Variants in CHD1L observed in about 807,000 individuals in gnomAD.
The protein encoded by CHD1L is chromodomain helicase DNA binding protein 1 like, also known as ATP-dependent chromatin remodeler CHD1L.
CHD1L carries 118 observed loss-of-function variants against 115.9 expected under a neutral mutation model. The observed-to-expected ratio is 1.02, with a 90% CI of 0.88 to 1.19. The LOEUF (loss-of-function observed/expected upper bound fraction) is 1.19, where lower values mean the gene tolerates loss of function less well. CHD1L is among the 50% of genes most tolerant of loss of function. CHD1L has a pLI of 0.00. For synonymous variants in CHD1L, 411 were observed against 387.1 expected, an observed-to-expected ratio of 1.06 and a Z score of -0.72; for missense variants, 1,179 against 1,065.3, an observed-to-expected ratio of 1.11 and a Z score of -1.49.
the CHD1L span, among the ~76,000 whole-genome samples, chr1:147,228,699 A>T: frequency 6.6e-6 from 1 of 152,104 alleles, no homozygotes; most frequent in Non-Finnish European, 1.5e-5. Context: ...AATGATCCCC[A>T]TTCTAACTGG....
At chr1:147,240,485 G>T (rs1017392764), upstream of CHD1L, among the ~76,000 whole-genome samples, 1 of 152,222 alleles carries the variant, frequency 6.6e-6, no homozygotes, top group Non-Finnish European at 1.5e-5. Context: ...GGAAGGGAAA[G>T]ACCTGACCGT....
Position 147,295,541 on chromosome 1 carries a change from C to G in CHD1L, c.*32C>G. On this transcript the variant is annotated 3_prime_UTR_variant, in exon 23 of 23. Transcript: ENST00000369258. ...GCCCAGCCTCAGATCCTGTCTTTAG[C>G]AACCAGCTAATATTTACCCAGAGGT... 6.7e-7 allele frequency: 1 copy of G among 1,485,956 alleles called. No individual in the cohort carries two copies. The highest frequency in any genetic ancestry group is 9.4e-7 in the Non-Finnish European group (1 of 1,069,316). 92.0% of individuals were successfully genotyped at this position (1,485,956 alleles called of 1,614,324 possible). A position where few individuals can be genotyped will look rare whatever the true frequency, so the allele number is the denominator to read the frequency against.
chr1:147,205,614 T>C, the CHD1L span, among the ~76,000 whole-genome samples: 30 of 152,116 alleles, frequency 2.0e-4, no homozygotes, highest in African/African-American at 7.2e-4. Flanking sequence ...TAATACCACA[T>C]ATCTACAACT....
At chr1:147,223,900 C>A in the CHD1L span, 2 of 366,752 alleles carry the variant, frequency 5.5e-6, no homozygotes, top group South Asian at 4.3e-5. Flanking sequence ...GACTGTTGTC[C>A]TGGACTGAGA....
At chr1:147,237,320 G>A in the CHD1L span, among the ~76,000 whole-genome samples, 1 of 151,938 alleles carries the variant, frequency 6.6e-6, no homozygotes, top group South Asian at 2.1e-4. Context: ...TGTGGTTTGA[G>A]CAGCTATAGC....
At chr1:147,178,063 G>C in the CHD1L span, 2 of 1,062,780 alleles carry the variant, frequency 1.9e-6, no homozygotes, top group South Asian at 1.6e-5. Context: ...GACCGCCGCA[G>C]TCCCAGTCGA....
At chr1:147,208,119 T>C in the CHD1L span, among the ~76,000 whole-genome samples, 1 of 152,114 alleles carries the variant, frequency 6.6e-6, no homozygotes, top group African/African-American at 2.4e-5. Context: ...GCACTGTGCT[T>C]ATCTTATAGA....
chr1:147,204,710 C>T, the CHD1L span: 1 of 1,525,670 alleles, frequency 6.6e-7, no homozygotes, highest in Non-Finnish European at 9.1e-7. Flanking sequence ...ACTTCTAGTT[C>T]TCTTAAAATA....
chr1:147,293,496 C>T, intron 20 of CHD1L, 112 bp from the exon 21 acceptor site: 1 of 777,018 alleles, frequency 1.3e-6, no homozygotes, highest in South Asian at 1.5e-5. Flanking sequence ...CCGAAAGAGA[C>T]AGAGCCAAGC....
At chr1:147,266,169 TTGTA>T in intron 8 of CHD1L, 82 bp downstream of exon 8, 1 of 1,302,772 alleles carries the variant, frequency 7.7e-7, no homozygotes, top group Non-Finnish European at 1.1e-6. Flanking sequence ...TCACACTCAT[TTGTA>T]TGATCCCAAG....
At chr1:147,236,724 C>T in the CHD1L span, among the ~76,000 whole-genome samples, 1 of 152,156 alleles carries the variant, frequency 6.6e-6, no homozygotes, top group Non-Finnish European at 1.5e-5. Context: ...AGAGAGTAGA[C>T]CCTGGGGTGG....
the CHD1L span, among the ~76,000 whole-genome samples, chr1:147,216,191 C>T: frequency 2.0e-5 from 3 of 152,170 alleles, no homozygotes; most frequent in African/African-American, 4.8e-5. Flanking sequence ...AGTAGCCTTG[C>T]GGATTCTGCC....
intron 12 of CHD1L, among the ~76,000 whole-genome samples, chr1:147,273,749 G>A (rs1372904473): frequency 6.6e-6 from 1 of 152,246 alleles, no homozygotes; most frequent in Non-Finnish European, 1.5e-5. Flanking sequence ...GGAGGACTCA[G>A]AGTAGATCTG....
the CHD1L span, among the ~76,000 whole-genome samples, chr1:147,207,037 A>T: frequency 6.6e-6 from 1 of 152,120 alleles, no homozygotes; most frequent in South Asian, 2.1e-4. Context: ...AGATTTTTTT[A>T]AAGCTATAAA....
At chr1:147,181,765 A>AATTGAGAG in the CHD1L span, among the ~76,000 whole-genome samples, 2 of 152,210 alleles carry the variant, frequency 1.3e-5, no homozygotes, top group African/African-American at 4.8e-5. Context: ...GCAACAAAGT[A>AATTGAGAG]ATTGAGAGTG....
In CHD1L at chr1:147,294,513, T is replaced by TA. The variant is rs782497810; in HGVS notation, c.2612dup (p.Tyr871Ter). 13 of 1,610,008 alleles carry TA rather than the reference T, an allele frequency of 8.1e-6. No homozygotes were observed. The highest frequency in any genetic ancestry group is 1.0e-5 in the Non-Finnish European group (12 of 1,177,516). The change falls in exon 22 of 23, where the codon TAC becomes TAAC. Residue 871 changes from tyrosine (Y) to a stop codon, truncating the protein, a stop_gained and frameshift_variant. Transcript: ENST00000369258. LOFTEE classifies it low-confidence loss of function (END_TRUNC). ...TCTGGCTGCAAGAGGCATCCCAACTTACATGTATCCTTTTGTGATCTTCAT... is the reference window on the plus strand; with the variant it reads ...TCTGGCTGCAAGAGGCATCCCAACTTAACATGTATCCTTTTGTGATCTTCAT... ...KHLAARGIPT[Y>*]IYYFPRSKSA... is the part of the protein sequence containing the mutation.
chr1:147,267,018 G>T (rs970433133), intron 8 of CHD1L, among the ~76,000 whole-genome samples: 1 of 152,292 alleles, frequency 6.6e-6, no homozygotes, highest in East Asian at 1.9e-4. Context: ...GGGTAAGGGG[G>T]AACTGCTGTA....
At chr1:147,237,081 C>G in the CHD1L span, among the ~76,000 whole-genome samples, 1 of 152,166 alleles carries the variant, frequency 6.6e-6, no homozygotes, top group East Asian at 1.9e-4. Context: ...TGCTGGCACC[C>G]AAAGTCCTGA....
intron 19 of CHD1L, among the ~76,000 whole-genome samples, chr1:147,288,201 C>T (rs1156898919): frequency 7.3e-5 from 11 of 151,358 alleles, no homozygotes; most frequent in Middle Eastern, 3.4e-3. Context: ...GGTGCATGCC[C>T]GTAGTTCCAG....
Sources: allele counts gnomAD v4.1 joint callset (sites outside exome capture counted in the v4.1 genomes callset), GRCh38; gene constraint gnomAD v4.1.1; transcripts MANE v1.5; gene names NCBI Gene and HGNC (gene_info 2026-07-23, HGNC 2026-07-21).